Variants in OR10Q1 observed in about 807,000 individuals in gnomAD.
The protein encoded by OR10Q1 is olfactory receptor family 10 subfamily Q member 1, also known as olfactory receptor 10Q1.
For missense variants in OR10Q1, 435 were observed against 414.0 expected (o/e 1.05, Z -0.44); for synonymous variants, 211 against 180.5 (o/e 1.17, Z -1.35).
Position 58,227,942 on chromosome 11 carries a change from G to T in OR10Q1, c.934C>A (p.Arg312Ser). 1.9e-6 allele frequency: 3 copies of T among 1,613,002 alleles called. No individual in the cohort carries two copies. The highest frequency in any genetic ancestry group is 2.5e-6 in the Non-Finnish European group (3 of 1,179,190). Residue 312 changes from arginine to serine, a missense_variant, in exon 1 of 1, where the codon CGT (arginine) becomes AGT (serine). Arg to Ser is a moderately radical substitution (Grantham distance 110). Transcript: ENST00000316770. ...VKGALRSAII[R>S]KAASDAN ...CAGTTGGCGTCAGAGGCTGCTTTAC[G>T]GATAATGGCACTCCTCAGAGCACCT... is the stretch of plus-strand genomic sequence containing the variant.
rs750159622 is a variant in OR10Q1 at position 58,228,761 on chromosome 11, AGAG to A, written c.112_114del (p.Leu38del). The A allele has an allele frequency of 6.2e-7, 1 of 1,613,968 alleles. No homozygotes were observed. The highest frequency in any genetic ancestry group is 1.7e-5 in the Admixed American group (1 of 60,014). ...GTGTTGCCACAGAGGATCATCAAGT[AGAG>A]GAGGAGGAAGAGAAGGAAGAGAAGA... is the stretch of plus-strand genomic sequence containing the variant. On this transcript the variant is annotated inframe_deletion, in exon 1 of 1. Coordinates refer to ENST00000316770, the MANE Select transcript of OR10Q1 (RefSeq NM_001004471.2).
Position 58,228,838 on chromosome 11 carries a change from G to C in OR10Q1, c.38C>G (p.Pro13Arg), listed in dbSNP as rs778304806. The change falls in exon 1 of 1, where the codon CCC (proline) becomes CGC (arginine). Residue 13 changes from proline to arginine, a missense_variant. Pro to Arg is a moderately radical substitution (Grantham distance 103). Coordinates refer to ENST00000316770, the MANE Select transcript of OR10Q1 (RefSeq NM_001004471.2). Reference protein sequence around the residue: ...VGKLVFNQSEPTEFVFRAFTT... With the variant: ...VGKLVFNQSERTEFVFRAFTT... Reference sequence around the variant, plus strand: ...GAACGCACGGAACACAAACTCAGTGGGCTCAGACTGGTTGAAGACAAGTTT... The same window carrying C: ...GAACGCACGGAACACAAACTCAGTGCGCTCAGACTGGTTGAAGACAAGTTT... 2.5e-6 allele frequency: 4 copies of C among 1,613,916 alleles called. No homozygotes were observed. In the Admixed American group the frequency reaches 6.7e-5, roughly 27 times the overall value.
rs1228926578 is a variant in OR10Q1 at position 58,228,084 on chromosome 11, G to A, written c.792C>T (p.Tyr264=). ...CTGAGGTGCTGGACCGAGGACGCAGGTACACGAGGCTGCAGCAGCCATACT... is the reference window on the plus strand; with the variant it reads ...CTGAGGTGCTGGACCGAGGACGCAGATACACGAGGCTGCAGCAGCCATACT... ...LLQYGCCSLV[Y]LRPRSSTSED... is the part of the protein sequence containing the mutation. Residue 264 remains tyrosine, a synonymous_variant, in exon 1 of 1, where the codon TAC becomes TAT. Transcript: ENST00000316770. The A allele has an allele frequency of 1.2e-6, 2 of 1,614,090 alleles. No individual in the cohort carries two copies. The highest frequency in any genetic ancestry group is 2.2e-5 in the East Asian group (1 of 44,886).
chr11:58,228,885 A>G lies in OR10Q1; in HGVS notation c.-10T>C, dbSNP rs1853127344. 2 of 1,612,622 alleles carry G rather than the reference A, an allele frequency of 1.2e-6. No individual in the cohort carries two copies. Among genetic ancestry groups the G allele is most frequent in the Non-Finnish European group, 1.7e-6 (2 of 1,179,088 alleles). ...GTTTCCCCACAGGCATGTCTTATGCAAAAGAATAGGACGCGCTGAGCTCTT... is the reference window on the plus strand; with the variant it reads ...GTTTCCCCACAGGCATGTCTTATGCGAAAGAATAGGACGCGCTGAGCTCTT... On this transcript the variant is annotated 5_prime_UTR_variant, in exon 1 of 1. Coordinates refer to ENST00000316770, the MANE Select transcript of OR10Q1 (RefSeq NM_001004471.2).
rs920535263 is a variant in OR10Q1, at chr11:58,228,709, T to G, written c.167A>C (p.His56Pro). 6.2e-7 allele frequency: 1 copy of G among 1,613,784 alleles called. No individual in the cohort carries two copies. The highest frequency in any genetic ancestry group is 1.7e-5 in the Admixed American group (1 of 59,976). The stretch of plus-strand genomic sequence containing the variant: ...ATACATCGGGGTGCGGAGGGTGCTG[T>G]GTGTGCACACCACCCAGATGATGGC... ...NTAIIWVVCT[H>P]STLRTPMYFF... is the part of the protein sequence containing the mutation. Residue 56 changes from histidine (H) to proline (P), a missense_variant, in exon 1 of 1, where the codon CAC becomes CCC. His to Pro is a moderately conservative substitution (Grantham distance 77, BLOSUM62 -2). Coordinates refer to ENST00000316770, the MANE Select transcript of OR10Q1 (RefSeq NM_001004471.2).
rs1487812057 is a variant in OR10Q1 at position 58,228,048 on chromosome 11, G to C, written c.828C>G (p.Asp276Glu). The C allele has an allele frequency of 1.2e-6, 2 of 1,614,170 alleles. No homozygotes were observed. Among genetic ancestry groups the C allele is most frequent in the East Asian group, 4.5e-5 (2 of 44,862 alleles). The change falls in exon 1 of 1, where the codon GAC becomes GAG. Residue 276 changes from aspartate (D) to glutamate (E), a missense_variant. Transcript: ENST00000316770. ...AGGTGTAGACCAACGCGATTTGGCTGTCCTCATCCTCTGAGGTGCTGGACC... is the reference window on the plus strand; with the variant it reads ...AGGTGTAGACCAACGCGATTTGGCTCTCCTCATCCTCTGAGGTGCTGGACC... ...RPRSSTSEDE[D>E]SQIALVYTFV...
Position 58,228,885 on chromosome 11 carries a change from A to C in OR10Q1, c.-10T>G. The C allele has an allele frequency of 2.5e-6, 4 of 1,612,622 alleles. No homozygotes were observed. Among genetic ancestry groups the C allele is most frequent in the Non-Finnish European group, 3.4e-6 (4 of 1,179,088 alleles). Reference sequence around the variant, plus strand: ...GTTTCCCCACAGGCATGTCTTATGCAAAAGAATAGGACGCGCTGAGCTCTT... The same window carrying C: ...GTTTCCCCACAGGCATGTCTTATGCCAAAGAATAGGACGCGCTGAGCTCTT... On this transcript the variant is annotated 5_prime_UTR_variant, in exon 1 of 1. Transcript: ENST00000316770.
rs371742366 is a variant in OR10Q1 at position 58,228,535 on chromosome 11, G to A, written c.341C>T (p.Thr114Met). 3.7e-6 allele frequency: 6 copies of A among 1,614,126 alleles called. No individual in the cohort carries two copies. The East Asian group carries it at 8.9e-5, about 24-fold the overall frequency. Reference protein sequence around the residue: ...QMFFFVTLGSTDCFLLAIMAY... With the variant: ...QMFFFVTLGSMDCFLLAIMAY... ...CATGATCGCCAAGAGGAAACAGTCC[G>A]TGCTGCCGAGGGTGACAAAGAAGAA... The change falls in exon 1 of 1, where the codon ACG becomes ATG. Residue 114 changes from threonine (T) to methionine (M), a missense_variant. By Grantham distance (81) the Thr-to-Met change is moderately conservative. Coordinates refer to ENST00000316770, the MANE Select transcript of OR10Q1 (RefSeq NM_001004471.2).
chr11:58,228,152 C>G lies in OR10Q1; in HGVS notation c.724G>C (p.Ala242Pro). The G allele has an allele frequency of 6.2e-7, 1 of 1,614,154 alleles. No individual in the cohort carries two copies. Among genetic ancestry groups the G allele is most frequent in the East Asian group, 2.2e-5 (1 of 44,868 alleles). The change falls in exon 1 of 1, where the codon GCC (alanine) becomes CCC (proline). Residue 242 changes from alanine (A) to proline (P), a missense_variant. Transcript: ENST00000316770. ...SIRSAEGRRR[A>P]FSTCSFHLTV... Reference sequence around the variant, plus strand: ...AGGTGGAAGGAGCAGGTGGAGAAGGCCCGGCGGCGGCCCTCGGCAGAACGG... The same window carrying G: ...AGGTGGAAGGAGCAGGTGGAGAAGGGCCGGCGGCGGCCCTCGGCAGAACGG...
At position 58,228,083 on chromosome 11, in the gene OR10Q1, G is replaced by A; in HGVS notation, c.793C>T (p.Leu265=). 1 of 1,614,212 alleles carries A rather than the reference G, an allele frequency of 6.2e-7. No homozygotes were observed. Among genetic ancestry groups the A allele is most frequent in the African/African-American group, 1.3e-5 (1 of 75,044 alleles). The part of the protein sequence containing the change: ...LQYGCCSLVY[L]RPRSSTSEDE... ...TCTGAGGTGCTGGACCGAGGACGCAGGTACACGAGGCTGCAGCAGCCATAC... is the reference window on the plus strand; with the variant it reads ...TCTGAGGTGCTGGACCGAGGACGCAAGTACACGAGGCTGCAGCAGCCATAC... Residue 265 remains leucine (L), a synonymous_variant, in exon 1 of 1, where the codon CTG becomes TTG. Coordinates refer to ENST00000316770, the MANE Select transcript of OR10Q1 (RefSeq NM_001004471.2).
chr11:58,228,211 G>C lies in OR10Q1; in HGVS notation c.665C>G (p.Ser222Cys), dbSNP rs762451238. The change falls in exon 1 of 1, where the codon TCC becomes TGC. Residue 222 changes from serine (S) to cysteine (C), a missense_variant. By Grantham distance (112) the Ser-to-Cys change is moderately radical (BLOSUM62 -1). Coordinates refer to ENST00000316770, the MANE Select transcript of OR10Q1 (RefSeq NM_001004471.2). ...LTIPFLLICV[S>C]YVFITCAILS... Reference sequence around the variant, plus strand: ...GATGGCACAGGTGATGAACACGTAGGAGACGCAGATGAGCAGGAAGGGGAT... The same window carrying C: ...GATGGCACAGGTGATGAACACGTAGCAGACGCAGATGAGCAGGAAGGGGAT... 6.2e-7 allele frequency: 1 copy of C among 1,614,092 alleles called. No individual in the cohort carries two copies. The highest frequency in any genetic ancestry group is 1.1e-5 in the South Asian group (1 of 91,066).
rs777200768 is a variant in OR10Q1 at position 58,228,668 on chromosome 11, G to A, written c.208C>T (p.Leu70=). The A allele has an allele frequency of 1.2e-6, 2 of 1,614,128 alleles. No homozygotes were observed. Among genetic ancestry groups the A allele is most frequent in the Non-Finnish European group, 1.7e-6 (2 of 1,180,034 alleles). The change falls in exon 1 of 1, where the codon CTG becomes TTG. Residue 70 remains leucine, a synonymous_variant. Coordinates refer to ENST00000316770, the MANE Select transcript of OR10Q1 (RefSeq NM_001004471.2). The part of the protein sequence containing the change: ...RTPMYFFLSN[L]SFLELCYTTV... ...GTGTAGCAGAGTTCCAGGAAAGACA[G>A]GTTGGACAGGAAGAAATACATCGGG...
In OR10Q1 at chr11:58,228,151, G is replaced by GC. The variant is rs1853109442; in HGVS notation, c.724dup (p.Ala242GlyfsTer34). Reference sequence around the variant, plus strand: ...GAGGTGGAAGGAGCAGGTGGAGAAGGCCCGGCGGCGGCCCTCGGCAGAACG... The same window carrying GC: ...GAGGTGGAAGGAGCAGGTGGAGAAGGCCCCGGCGGCGGCCCTCGGCAGAACG... On this transcript the variant is annotated frameshift_variant, in exon 1 of 1. Transcript: ENST00000316770. LOFTEE classifies it low-confidence loss of function (END_TRUNC). The GC allele has an allele frequency of 6.2e-7, 1 of 1,613,942 alleles. No individual in the cohort carries two copies. The highest frequency in any genetic ancestry group is 2.2e-5 in the East Asian group (1 of 44,844).
chr11:58,228,673 G>A lies in OR10Q1; in HGVS notation c.203C>T (p.Ser68Phe), dbSNP rs561354247. 19 of 1,613,966 alleles carry A rather than the reference G, an allele frequency of 1.2e-5. No homozygotes were observed. Among genetic ancestry groups the A allele is most frequent in the Non-Finnish European group, 1.5e-5 (18 of 1,180,022 alleles). Residue 68 changes from serine to phenylalanine, a missense_variant, in exon 1 of 1, where the codon TCC becomes TTC. Physicochemically the swap from Ser to Phe is radical, Grantham distance 155 (BLOSUM62 -2). Coordinates refer to ENST00000316770, the MANE Select transcript of OR10Q1 (RefSeq NM_001004471.2). ...TLRTPMYFFL[S>F]NLSFLELCYT... is the part of the protein sequence containing the mutation. ...GCAGAGTTCCAGGAAAGACAGGTTG[G>A]ACAGGAAGAAATACATCGGGGTGCG...
rs1345215670 is a variant in OR10Q1 at position 58,228,759 on chromosome 11, G to A, written c.117C>T (p.Tyr39=). Reference sequence around the variant, plus strand: ...CTGTGTTGCCACAGAGGATCATCAAGTAGAGGAGGAGGAAGAGAAGGAAGA... The same window carrying A: ...CTGTGTTGCCACAGAGGATCATCAAATAGAGGAGGAGGAAGAGAAGGAAGA... ...VLLFLLFLLL[Y]LMILCGNTAI... The change falls in exon 1 of 1, where the codon TAC becomes TAT. Residue 39 remains tyrosine, a synonymous_variant. Coordinates refer to ENST00000316770, the MANE Select transcript of OR10Q1 (RefSeq NM_001004471.2). 4 of 1,613,974 alleles carry A rather than the reference G, an allele frequency of 2.5e-6. No individual in the cohort carries two copies. Among genetic ancestry groups the A allele is most frequent in the South Asian group, 2.2e-5 (2 of 91,074 alleles).
At position 58,228,548 on chromosome 11, in the gene OR10Q1, T is replaced by A; in HGVS notation, c.328A>T (p.Thr110Ser). 6.2e-7 allele frequency: 1 copy of A among 1,613,602 alleles called. No homozygotes were observed. Among genetic ancestry groups the A allele is most frequent in the Non-Finnish European group, 8.5e-7 (1 of 1,179,928 alleles). Residue 110 changes from threonine to serine, a missense_variant, in exon 1 of 1, where the codon ACC (threonine) becomes TCC (serine). By Grantham distance (58) the Thr-to-Ser change is moderately conservative. Coordinates refer to ENST00000316770, the MANE Select transcript of OR10Q1 (RefSeq NM_001004471.2). The stretch of plus-strand genomic sequence containing the variant: ...AGGAAACAGTCCGTGCTGCCGAGGG[T>A]GACAAAGAAGAACATTTGGGCCCCA... ...GCGAQMFFFVTLGSTDCFLLA... is the reference protein window; with the variant it reads ...GCGAQMFFFVSLGSTDCFLLA...
rs201295562 is a variant in OR10Q1 at position 58,228,024 on chromosome 11, G to T, written c.852C>A (p.Thr284=). ...AAGGGTTGAGTAAGGGGGTGACAAA[G>T]GTGTAGACCAACGCGATTTGGCTGT... ...DEDSQIALVY[T]FVTPLLNPLL... Residue 284 remains threonine, a synonymous_variant, in exon 1 of 1, where the codon ACC becomes ACA. Transcript: ENST00000316770. The T allele has an allele frequency of 8.1e-6, 13 of 1,614,176 alleles. No individual in the cohort carries two copies. In the South Asian group the frequency reaches 8.8e-5, roughly 11 times the overall value.
Position 58,228,799 on chromosome 11 carries a change from T to G in OR10Q1, c.77A>C (p.Glu26Ala), listed in dbSNP as rs774506835. 1.2e-6 allele frequency: 2 copies of G among 1,614,034 alleles called. No homozygotes were observed. The highest frequency in any genetic ancestry group is 2.2e-5 in the South Asian group (2 of 91,068). ...FVFRAFTTAT[E>A]FQVLLFLLFL... ...GAGAAGGAAGAGAAGAACCTGGAAT[T>G]CAGTGGCTGTGGTGAACGCACGGAA... is the stretch of plus-strand genomic sequence containing the variant. The change falls in exon 1 of 1, where the codon GAA (glutamate) becomes GCA (alanine). Residue 26 changes from glutamate (E) to alanine (A), a missense_variant. Coordinates refer to ENST00000316770, the MANE Select transcript of OR10Q1 (RefSeq NM_001004471.2).
chr11:58,228,471 G>A lies in OR10Q1; in HGVS notation c.405C>T (p.His135=), dbSNP rs752877023. The change falls in exon 1 of 1, where the codon CAC becomes CAT. Residue 135 remains histidine (H), a synonymous_variant. Coordinates refer to ENST00000316770, the MANE Select transcript of OR10Q1 (RefSeq NM_001004471.2). ...GCTCGCGGGTCATGATGAGGGTGTAGTGCAGCGGGTGGCAGATAGCCACAT... is the reference window on the plus strand; with the variant it reads ...GCTCGCGGGTCATGATGAGGGTGTAATGCAGCGGGTGGCAGATAGCCACAT... The part of the protein sequence containing the change: ...DRYVAICHPL[H]YTLIMTRELC... The A allele has an allele frequency of 1.9e-6, 3 of 1,614,170 alleles. No homozygotes were observed. Among genetic ancestry groups the A allele is most frequent in the Non-Finnish European group, 2.5e-6 (3 of 1,180,040 alleles).
Sources: allele counts gnomAD v4.1 joint callset, GRCh38; gene constraint gnomAD v4.1.1; transcripts MANE v1.5; gene names NCBI Gene and HGNC (gene_info 2026-07-23, HGNC 2026-07-21).